Variants in ARHGAP22 observed in about 807,000 individuals in gnomAD.
The protein encoded by ARHGAP22 is rho GTPase-activating protein 22.
Under a neutral mutation model 59.1 loss-of-function variants are expected in ARHGAP22, and 48 were observed. The observed-to-expected ratio is 0.81, with a 90% CI of 0.64 to 1.03. The LOEUF (loss-of-function observed/expected upper bound fraction) is 1.03. Ranked by LOEUF, ARHGAP22 falls within the 50% of genes least tolerant of loss-of-function variation. ARHGAP22 has a pLI of 0.00. For synonymous variants in ARHGAP22, 445 were observed against 416.4 expected (o/e 1.07, Z -0.84); for missense variants, 1,015 against 958.7 (o/e 1.06, Z -0.78).
chr10:48,654,254 C>T (rs1329453935), upstream of ARHGAP22, among the ~76,000 whole-genome samples: 1 of 152,152 alleles, frequency 6.6e-6, no homozygotes, highest in Non-Finnish European at 1.5e-5. Flanking sequence ...TCAACAAAGT[C>T]CCCTCATTAT....
At chr10:48,477,566 C>T (rs1346418395) in intron 4 of ARHGAP22, among the ~76,000 whole-genome samples, 1 of 152,242 alleles carries the variant, frequency 6.6e-6, no homozygotes, top group Non-Finnish European at 1.5e-5. Flanking sequence ...ACAGCATCAA[C>T]TTCAGCAGAC....
At chr10:48,468,331 T>C (rs2047912894) in intron 4 of ARHGAP22, among the ~76,000 whole-genome samples, 1 of 152,066 alleles carries the variant, frequency 6.6e-6, no homozygotes. Context: ...TTAACCTGGG[T>C]TATCTAAGGG....
intron 3 of ARHGAP22, among the ~76,000 whole-genome samples, chr10:48,531,660 GAAGTACAGAGAAGTGAGGGCACC>G: frequency 2.5e-4 from 1 of 3,998 alleles, no homozygotes; most frequent in Non-Finnish European, 1.6e-3. Context: ...GGAGGGCACC[GAAGTACAGAGAAGTGAGGGCACC>G]GAAGTACAGA....
chr10:48,654,192 T>C (rs2062667921), upstream of ARHGAP22, among the ~76,000 whole-genome samples: 1 of 152,196 alleles, frequency 6.6e-6, no homozygotes, highest in Admixed American at 6.5e-5. Context: ...TAACCAAGTC[T>C]GGGTTTTTTT....
rs1222000506 is a variant in ARHGAP22 at position 48,524,226 on chromosome 10, G to T, written c.322+31237C>A. 1.2e-5 allele frequency: 6 copies of T among 515,978 alleles called. No individual in the cohort carries two copies. The East Asian group carries it at 8.8e-4, about 75-fold the overall frequency. The allele number at this position is 515,978 out of a possible 1,614,324, so 32.0% of individuals were successfully genotyped here. On this transcript the variant is annotated intron_variant, in intron 3 of 9. Coordinates refer to ENST00000249601, the MANE Select transcript of ARHGAP22 (RefSeq NM_021226.4). ...AGCTGGGCGCAGGGTGCGCGGGACC[G>T]CCGGCCCGCGGCTCCCGGGCCCTCA...
intron 1 of ARHGAP22, among the ~76,000 whole-genome samples, chr10:48,637,265 G>A (rs2061858054): frequency 6.6e-6 from 1 of 152,254 alleles, no homozygotes; most frequent in South Asian, 2.1e-4. Flanking sequence ...TTGCTTGTGT[G>A]AGGCCACACA....
chr10:48,454,024 G>T lies in ARHGAP22; in HGVS notation c.866+64C>A. On this transcript the variant is annotated intron_variant, in intron 7 of 9. Transcript: ENST00000249601. ...ACAAGGAAGAGTTGCGTGTCTCGCT[G>T]TGGGGTTGGGGGAGCGTGGAGCCAG... is the stretch of plus-strand genomic sequence containing the variant. 4.6e-6 allele frequency: 7 copies of T among 1,516,132 alleles called. No homozygotes were observed. The South Asian group carries it at 7.9e-5, about 17-fold the overall frequency. 93.9% of individuals were successfully genotyped at this position (1,516,132 alleles called of 1,614,324 possible). A position where few individuals can be genotyped will look rare whatever the true frequency, so the allele number is the denominator to read the frequency against.
At chr10:48,589,036 G>T (rs184257826) in intron 1 of ARHGAP22, among the ~76,000 whole-genome samples, 1 of 152,134 alleles carries the variant, frequency 6.6e-6, no homozygotes, top group Admixed American at 6.5e-5. Flanking sequence ...TGCGTGTGCC[G>T]AGGGGCCGCT....
chr10:48,653,743 G>C (rs1381519265), upstream of ARHGAP22, among the ~76,000 whole-genome samples: 2 of 152,224 alleles, frequency 1.3e-5, no homozygotes, highest in East Asian at 1.9e-4. Context: ...AGAGGAAGCA[G>C]CCCATCCCAC....
At chr10:48,549,162 G>T (rs141813428) in intron 3 of ARHGAP22, among the ~76,000 whole-genome samples, 70 of 152,296 alleles carry the variant, frequency 4.6e-4, no homozygotes, top group African/African-American at 1.4e-3. Context: ...CAACAAATAT[G>T]ATATTTGTTA....
chr10:48,431,018 G>A, the ARHGAP22 span: 1 of 634,454 alleles, frequency 1.6e-6, no homozygotes, highest in East Asian at 2.8e-5. Flanking sequence ...TGAGTGTCAA[G>A]GAATTGTTAT....
At chr10:48,537,703 T>G (rs985556072) in intron 3 of ARHGAP22, among the ~76,000 whole-genome samples, 26 of 152,244 alleles carry the variant, frequency 1.7e-4, no homozygotes, top group African/African-American at 6.3e-4. Flanking sequence ...CCTCGGTCTC[T>G]TGGATGCCTG....
At chr10:48,619,021 C>G (rs2061190302) in intron 1 of ARHGAP22, among the ~76,000 whole-genome samples, 1 of 151,992 alleles carries the variant, frequency 6.6e-6, no homozygotes, top group South Asian at 2.1e-4. Flanking sequence ...ACAAAATCAG[C>G]ATACAAAAGC....
the ARHGAP22 span, chr10:48,439,339 AAG>A: frequency 3.3e-5 from 5 of 150,952 alleles, no homozygotes; most frequent in East Asian, 9.7e-4. Flanking sequence ...AAAAAGAAAA[AAG>A]TGGTATGAAA....
chr10:48,605,228 C>G (rs1313889642), upstream of ARHGAP22: 1 of 907,184 alleles, frequency 1.1e-6, no homozygotes, highest in African/African-American at 1.8e-5. Context: ...TCCGGCCATC[C>G]TTTGCTGAGG....
At chr10:48,443,494 G>A (rs191526176), downstream of ARHGAP22, among the ~76,000 whole-genome samples, 14 of 152,152 alleles carry the variant, frequency 9.2e-5, no homozygotes, top group African/African-American at 3.4e-4. Flanking sequence ...AGAAGTAGTA[G>A]CAATGTGGCT....
At chr10:48,454,012 G>A in intron 7 of ARHGAP22, 76 bp downstream of exon 7, 2 of 1,451,106 alleles carry the variant, frequency 1.4e-6, no homozygotes, top group South Asian at 1.1e-5. Flanking sequence ...AGGAAGAGTT[G>A]CGTGTCTCGC....
At chr10:48,492,122 A>G (rs2050459216) in intron 3 of ARHGAP22, among the ~76,000 whole-genome samples, 2 of 152,220 alleles carry the variant, frequency 1.3e-5, no homozygotes, top group African/African-American at 4.8e-5. Flanking sequence ...GAAAAAGAAA[A>G]AAGGGTAACT....
At chr10:48,596,899 C>A (rs1444038168) in intron 1 of ARHGAP22, among the ~76,000 whole-genome samples, 1 of 152,138 alleles carries the variant, frequency 6.6e-6, no homozygotes, top group East Asian at 1.9e-4. Flanking sequence ...ACACCACACA[C>A]CTGGGTCTCT....
Sources: allele counts gnomAD v4.1 joint callset (sites outside exome capture counted in the v4.1 genomes callset), GRCh38; gene constraint gnomAD v4.1.1; transcripts MANE v1.5; gene names NCBI Gene and HGNC (gene_info 2026-07-23, HGNC 2026-07-21).